The following PHF23 variants were observed in gnomAD, a reference collection of about 807,000 sequenced individuals.
PHF23 encodes the protein PDH-containing protein JUNE-1.
Under a neutral mutation model 36.0 loss-of-function variants are expected in PHF23, and 3 were observed. That is an observed-to-expected ratio of 0.08 (90% CI 0.04 to 0.22). The LOEUF (loss-of-function observed/expected upper bound fraction) is 0.22. PHF23 is among the 10% of genes least tolerant of loss of function. PHF23 has a pLI of 1.00. For synonymous variants in PHF23, 242 were observed against 192.5 expected, an observed-to-expected ratio of 1.26 and a Z score of -2.13; for missense variants, 475 against 513.6, an observed-to-expected ratio of 0.92 and a Z score of 0.73.
chr17:7,239,353 G>T lies in PHF23; in HGVS notation c.-74C>A. The T allele has an allele frequency of 1.3e-6, 1 of 758,236 alleles. No individual in the cohort carries two copies. 47.0% of individuals were successfully genotyped at this position (758,236 alleles called of 1,614,324 possible). Reference sequence around the variant, plus strand: ...GATCCCGGTGCCGCCTCTAGTGCTCGATGCTCCCACTGCTTCGCTCCACAG... The same window carrying T: ...GATCCCGGTGCCGCCTCTAGTGCTCTATGCTCCCACTGCTTCGCTCCACAG... On this transcript the variant is annotated 5_prime_UTR_variant, in exon 1 of 5. Coordinates refer to ENST00000320316, the MANE Select transcript of PHF23 (RefSeq NM_024297.3).
At chr17:7,240,721 C>T (rs2071766868), upstream of PHF23, 4 of 672,444 alleles carry the variant, frequency 5.9e-6, no homozygotes, top group Non-Finnish European at 1.1e-5. Context: ...GGAGAGAAAG[C>T]CACAAACATT....
chr17:7,235,609 G>C lies in PHF23; in HGVS notation c.*17C>G. 6.2e-7 allele frequency: 1 copy of C among 1,610,352 alleles called. No individual in the cohort carries two copies. Among genetic ancestry groups the C allele is most frequent in the Non-Finnish European group, 8.5e-7 (1 of 1,179,634 alleles). On this transcript the variant is annotated 3_prime_UTR_variant, in exon 5 of 5. Coordinates refer to ENST00000320316, the MANE Select transcript of PHF23 (RefSeq NM_024297.3). The stretch of plus-strand genomic sequence containing the variant: ...ATCATGTTGTCATTTGGAAGTTCCA[G>C]GCTAAAGTTGGTGCCATCAGGGCTC...
chr17:7,235,912 C>G lies in PHF23; in HGVS notation c.997+18G>C. On this transcript the variant is annotated intron_variant, in intron 4 of 4. Transcript: ENST00000320316. ...CCACAACACCCTCAAACCCCTCGCC[C>G]CAGCCCGAACCTCTCACCTGATTCT... is the stretch of plus-strand genomic sequence containing the variant. The G allele has an allele frequency of 6.2e-7, 1 of 1,611,346 alleles. No homozygotes were observed. The highest frequency in any genetic ancestry group is 1.1e-5 in the South Asian group (1 of 91,016).
intron 2 of PHF23, 37 bp from the exon 3 acceptor site, chr17:7,237,514 C>T (rs754512064): frequency 1.2e-6 from 2 of 1,608,146 alleles, no homozygotes; most frequent in Non-Finnish European, 1.7e-6. Context: ...TGCAAAGCCA[C>T]ACAGTTTAAG....
At position 7,235,280 on chromosome 17, in the gene PHF23, G is replaced by C; in HGVS notation, c.*346C>G. On this transcript the variant is annotated 3_prime_UTR_variant, in exon 5 of 5. Coordinates refer to ENST00000320316, the MANE Select transcript of PHF23 (RefSeq NM_024297.3). ...AAATAGAAGAAAAGATGAGGGAGGG[G>C]AGTGCTAATATTTACACTAGAGTTT... 1 of 299,964 alleles carries C rather than the reference G, an allele frequency of 3.3e-6. No individual in the cohort carries two copies. The highest frequency in any genetic ancestry group is 6.4e-6 in the Non-Finnish European group (1 of 155,798). The allele number at this position is 299,964 out of a possible 1,614,324, so 18.6% of individuals were successfully genotyped here. A position where few individuals can be genotyped will look rare whatever the true frequency, so the allele number is the denominator to read the frequency against.
At position 7,235,361 on chromosome 17, in the gene PHF23, TGGCAG is replaced by T; in HGVS notation, c.*260_*264del. The stretch of plus-strand genomic sequence containing the variant: ...CCAATCCTGACCCAGAAAGTGATGG[TGGCAG>T]GTCCAAGAGACAGAGATTATGTGTC... On this transcript the variant is annotated 3_prime_UTR_variant, in exon 5 of 5. Transcript: ENST00000320316. 2.7e-4 allele frequency: 133 copies of T among 500,796 alleles called. No homozygotes were observed. The highest frequency in any genetic ancestry group is 5.5e-4 in the Middle Eastern group (1 of 1,818). The allele number at this position is 500,796 out of a possible 1,614,324, so 31.0% of individuals were successfully genotyped here.
chr17:7,239,262 C>A lies in PHF23; in HGVS notation c.18G>T (p.Ala6=). 1.3e-6 allele frequency: 2 copies of A among 1,543,956 alleles called. No individual in the cohort carries two copies. Among genetic ancestry groups the A allele is most frequent in the Non-Finnish European group, 8.9e-7 (1 of 1,127,008 alleles). ...AGAGCTCACCTTCGGGACTGGGCTC[C>A]GCCATGGCTTCCAGCATCGCCCCCT... MLEAM[A]EPSPEDPPPT... is the part of the protein sequence containing the mutation. Residue 6 remains alanine, a synonymous_variant, in exon 1 of 5, where the codon GCG becomes GCT. Coordinates refer to ENST00000320316, the MANE Select transcript of PHF23 (RefSeq NM_024297.3).
In PHF23 at chr17:7,236,415, T is replaced by C. The variant is rs770294374; in HGVS notation, c.512A>G (p.Gln171Arg). Residue 171 changes from glutamine to arginine, a missense_variant, in exon 4 of 5, where the codon CAG becomes CGG. Transcript: ENST00000320316. This position sits in a 1 kb window ranked among gnomAD's most constrained non-coding sequence, Gnocchi z 5.1. ...PAALTPVPLS[Q>R]GDLSHPPRKK... ...TCGAGGAGGATGGGAGAGGTCCCCC[T>C]GGGAAAGGGGCACGGGGGTAAGAGC... The C allele has an allele frequency of 6.2e-7, 1 of 1,612,980 alleles. No individual in the cohort carries two copies. The highest frequency in any genetic ancestry group is 8.5e-7 in the Non-Finnish European group (1 of 1,179,754).
chr17:7,239,477 C>T, upstream of PHF23: 1 of 460,434 alleles, frequency 2.2e-6, no homozygotes, highest in South Asian at 2.6e-5. Flanking sequence ...GGCCCCCTCC[C>T]CCCGCGCCGC....
chr17:7,240,278 A>T (rs762580749), upstream of PHF23: 1 of 152,578 alleles, frequency 6.6e-6, no homozygotes, highest in Admixed American at 6.5e-5. Flanking sequence ...AAAGCCCAAC[A>T]TGAACAGAAT....
intron 2 of PHF23, 38 bp from the exon 3 acceptor site, chr17:7,237,515 A>G (rs780888310): frequency 1.2e-6 from 2 of 1,607,530 alleles, no homozygotes; most frequent in Admixed American, 1.7e-5. Flanking sequence ...GCAAAGCCAC[A>G]CAGTTTAAGA....
intron 1 of PHF23, chr17:7,238,480 C>G (rs1426465707): frequency 1.3e-6 from 1 of 777,672 alleles, no homozygotes; most frequent in Non-Finnish European, 1.5e-6. Flanking sequence ...CTATGGACCC[C>G]TCAACTCTGG....
rs1216976009 is a variant in PHF23 at position 7,235,686 on chromosome 17, G to A, written c.1152C>T (p.Cys384=). ...NVPDFFYCQK[C]KELRPEARRL... is the part of the protein sequence containing the mutation. ...GCCGGGCCTCTGGCCTCAGTTCCTT[G>A]CATTTCTGGCAATAAAAGAAGTCGG... Residue 384 remains cysteine, a synonymous_variant, in exon 5 of 5, where the codon TGC becomes TGT. Coordinates refer to ENST00000320316, the MANE Select transcript of PHF23 (RefSeq NM_024297.3). 1 of 1,614,042 alleles carries A rather than the reference G, an allele frequency of 6.2e-7. No individual in the cohort carries two copies. Among genetic ancestry groups the A allele is most frequent in the Non-Finnish European group, 8.5e-7 (1 of 1,180,046 alleles).
chr17:7,235,646 G>C lies in PHF23; in HGVS notation c.1192C>G (p.Pro398Ala), dbSNP rs756230834. The change falls in exon 5 of 5, where the codon CCC becomes GCC. Residue 398 changes from proline to alanine, a missense_variant. Physicochemically the swap from Pro to Ala is conservative, Grantham distance 27. Coordinates refer to ENST00000320316, the MANE Select transcript of PHF23 (RefSeq NM_024297.3). ...TGCCATCAGGGCTCTCCAGATTTGG[G>C]AGGCCCCCCTAACCGCCGGGCCTCT... ...RPEARRLGGP[P>A]KSGEP 8 of 1,613,806 alleles carry C rather than the reference G, an allele frequency of 5.0e-6. No individual in the cohort carries two copies. Among genetic ancestry groups the C allele is most frequent in the Non-Finnish European group, 6.8e-6 (8 of 1,180,028 alleles).
chr17:7,239,137 C>G, intron 1 of PHF23, 109 bp downstream of exon 1: 1 of 1,032,754 alleles, frequency 9.7e-7, no homozygotes, highest in Non-Finnish European at 1.4e-6. Flanking sequence ...CCTCCCGACC[C>G]CCTCCCCGAA....
chr17:7,237,402 T>C lies in PHF23; in HGVS notation c.142A>G (p.Ile48Val). 2 of 1,613,852 alleles carry C rather than the reference T, an allele frequency of 1.2e-6. No homozygotes were observed. The highest frequency in any genetic ancestry group is 1.7e-6 in the Non-Finnish European group (2 of 1,179,762). The change falls in exon 3 of 5, where the codon ATT (isoleucine) becomes GTT (valine). Residue 48 changes from isoleucine to valine, a missense_variant. Ile to Val is a conservative substitution (Grantham distance 29, BLOSUM62 3). This residue lies in a region of PHF23 where 350 missense variants were observed against 319.8 expected (regional missense o/e 1.09). Coordinates refer to ENST00000320316, the MANE Select transcript of PHF23 (RefSeq NM_024297.3). ...CSFVLAYAGYIPPSKEESDWP... is the reference protein window; with the variant it reads ...CSFVLAYAGYVPPSKEESDWP... The stretch of plus-strand genomic sequence containing the variant: ...GCCCCTACCTCTTTGCTAGGGGGAA[T>C]GTAACCAGCATATGCCAAAACAAAA...
chr17:7,238,911 T>C (rs1597567853), intron 1 of PHF23: 3 of 1,526,508 alleles, frequency 2.0e-6, no homozygotes, highest in Non-Finnish European at 2.6e-6. Context: ...TCCTCCCTCC[T>C]GAGCAACTCT....
Position 7,239,337 on chromosome 17 carries a change from G to T in PHF23, c.-58C>A. On this transcript the variant is annotated 5_prime_UTR_variant, in exon 1 of 5. Transcript: ENST00000320316. ...CCTCCCCGGAGCCGGGGATCCCGGTGCCGCCTCTAGTGCTCGATGCTCCCA... is the reference window on the plus strand; with the variant it reads ...CCTCCCCGGAGCCGGGGATCCCGGTTCCGCCTCTAGTGCTCGATGCTCCCA... 1.2e-6 allele frequency: 1 copy of T among 865,706 alleles called. No homozygotes were observed. Among genetic ancestry groups the T allele is most frequent in the Non-Finnish European group, 1.9e-6 (1 of 531,446 alleles). 53.6% of individuals were successfully genotyped at this position (865,706 alleles called of 1,614,324 possible).
In PHF23 at chr17:7,236,864, A is replaced by C. The variant is rs1214416646; in HGVS notation, c.160-97T>G. 1.3e-6 allele frequency: 2 copies of C among 1,487,164 alleles called. No individual in the cohort carries two copies. Among genetic ancestry groups the C allele is most frequent in the Admixed American group, 2.4e-5 (1 of 40,854 alleles). The allele number at this position is 1,487,164 out of a possible 1,614,324, so 92.1% of individuals were successfully genotyped here. ...AAAAGGAGTGACTGGATTTACCCCA[A>C]AATGTCCTACCTCAACCACTAAATC... On this transcript the variant is annotated intron_variant, in intron 3 of 4. Transcript: ENST00000320316. This position sits in a 1 kb window ranked among gnomAD's most constrained non-coding sequence, Gnocchi z 5.1.
Sources: gnomAD v4.1 joint callset for allele counts on GRCh38, gnomAD v4.1.1 for gene constraint, gnomAD v4.1.1 regional missense constraint, Gnocchi (gnomAD v3.1) non-coding constraint, MANE v1.5 for transcripts, NCBI Gene and HGNC (gene_info 2026-07-23, HGNC 2026-07-21) for gene names.